Variants in BDP1 observed in about 807,000 individuals in gnomAD.
BDP1 encodes BDP1 general transcription factor IIIB subunit, also known as transcription factor TFIIIB component B'' homolog.
A neutral mutation model predicts 266.6 loss-of-function variants in BDP1; 169 were observed. That is an observed-to-expected ratio of 0.63 (90% CI 0.56 to 0.72). The LOEUF is 0.72. Ranked by LOEUF, BDP1 falls within the 30% of genes least tolerant of loss-of-function variation. BDP1 has a pLI of 0.00. For missense variants in BDP1, 3,015 were observed against 3,053.8 expected (o/e 0.99, Z 0.30); for synonymous variants, 1,090 against 1,022.4 (o/e 1.07, Z -1.26).
rs796982994 is a variant in BDP1, at chr5:71,530,062, T to C, written c.5773-2246T>C. The stretch of plus-strand genomic sequence containing the variant: ...CCTTAAGTGGGTTAACTGTATGTTA[T>C]GTGAATTGCAAGTCTTTTTTAAAAT... On this transcript the variant is annotated intron_variant, in intron 25 of 38. Coordinates refer to ENST00000358731, the MANE Select transcript of BDP1 (RefSeq NM_018429.3). 4.5e-4 allele frequency among the ~76,000 whole-genome samples: 68 copies of C among 152,356 alleles called. 1 individual carries two copies. The highest frequency in any genetic ancestry group is 1.6e-3 in the African/African-American group (67 of 41,588).
intron 29 of BDP1, 110 bp from the exon 30 acceptor site, chr5:71,541,995 C>A: frequency 1.2e-6 from 1 of 817,312 alleles, no homozygotes; most frequent in Non-Finnish European, 1.9e-6. Context: ...CACTTGTAGA[C>A]AGTGTGGCAC....
At chr5:71,547,006 T>C (rs1742367892) in intron 32 of BDP1, among the ~76,000 whole-genome samples, 2 of 152,022 alleles carry the variant, frequency 1.3e-5, no homozygotes, top group Non-Finnish European at 2.9e-5. Context: ...CCACCACACC[T>C]GACTAATTTT....
intron 25 of BDP1, among the ~76,000 whole-genome samples, chr5:71,529,756 G>A (rs1405903216): frequency 6.6e-6 from 1 of 152,214 alleles, no homozygotes; most frequent in Non-Finnish European, 1.5e-5. Flanking sequence ...TCACAACATG[G>A]ATGAATTTTG....
chr5:71,455,780 G>A lies in BDP1; in HGVS notation c.-98G>A, dbSNP rs1364006587. The stretch of plus-strand genomic sequence containing the variant: ...CCCTGAGCTGGTGGTGTGGCTTTGT[G>A]GGGAGGGCGTAGTTCCTAATCCCCT... On this transcript the variant is annotated 5_prime_UTR_variant, in exon 1 of 39. Coordinates refer to ENST00000358731, the MANE Select transcript of BDP1 (RefSeq NM_018429.3). 20 of 1,022,328 alleles carry A rather than the reference G, an allele frequency of 2.0e-5. No individual in the cohort carries two copies. Among genetic ancestry groups the A allele is most frequent in the Non-Finnish European group, 2.3e-5 (16 of 704,402 alleles). The allele number at this position is 1,022,328 out of a possible 1,614,324, so 63.3% of individuals were successfully genotyped here.
Position 71,465,628 on chromosome 5 carries a change from A to G in BDP1, c.660-468A>G, listed in dbSNP as rs1761856864. 2.0e-5 allele frequency among the ~76,000 whole-genome samples: 3 copies of G among 152,076 alleles called. 1 individual carries two copies. In the South Asian group the frequency reaches 6.2e-4, roughly 32 times the overall value. ...CCAGGCACGGTGGCTCACGCCTGTA[A>G]TCCCGGCACTTTGGGAGGCTGAGGC... On this transcript the variant is annotated intron_variant, in intron 4 of 38. Transcript: ENST00000358731.
In BDP1 at chr5:71,527,260, C is replaced by G. The variant is rs6865103; in HGVS notation, c.5772+2937C>G. Reference sequence around the variant, plus strand: ...ACATCCCGCAATGAGTGGTTGTCCCCTAGCCTGGCAAAAAACCAAGATACA... The same window carrying G: ...ACATCCCGCAATGAGTGGTTGTCCCGTAGCCTGGCAAAAAACCAAGATACA... On this transcript the variant is annotated intron_variant, in intron 25 of 38. Coordinates refer to ENST00000358731, the MANE Select transcript of BDP1 (RefSeq NM_018429.3). Among the ~76,000 whole-genome samples the G allele has an allele frequency of 5.1e-3, 772 of 150,626 alleles. 8 individuals are homozygous for G. Among genetic ancestry groups the G allele is most frequent in the African/African-American group, 0.018 (722 of 40,026 alleles).
chr5:71,552,592 C>T (rs559301329), intron 34 of BDP1, among the ~76,000 whole-genome samples: 220 of 152,360 alleles, frequency 1.4e-3, no homozygotes, highest in Non-Finnish European at 2.6e-3. Flanking sequence ...CCGAGGCCGG[C>T]GGATCACTCG....
chr5:71,481,322 G>A (rs1390503921), intron 7 of BDP1, among the ~76,000 whole-genome samples: 4 of 149,574 alleles, frequency 2.7e-5, no homozygotes, highest in Non-Finnish European at 4.4e-5. Context: ...AGGCTGAGAC[G>A]GGAGGATTGC....
At position 71,509,717 on chromosome 5, in the gene BDP1, A is replaced by T; in HGVS notation, c.2625A>T (p.Lys875Asn). 3.1e-6 allele frequency: 5 copies of T among 1,614,058 alleles called. No homozygotes were observed. The highest frequency in any genetic ancestry group is 4.2e-6 in the Non-Finnish European group (5 of 1,180,006). The stretch of plus-strand genomic sequence containing the variant: ...CTAAAGAAATGCAGTCAGATTTAAA[A>T]GAAACTGGAAGAAGAGCCATTTCTC... The part of the protein sequence containing the change: ...INTKEMQSDL[K>N]ETGRRAISPR... The change falls in exon 17 of 39, where the codon AAA becomes AAT. Residue 875 changes from lysine to asparagine, a missense_variant. This residue lies in a region of BDP1 where 2,383 missense variants were observed against 2,404.9 expected (regional missense o/e 0.99). Transcript: ENST00000358731.
At chr5:71,459,715 T>C (rs1266107836) in intron 2 of BDP1, among the ~76,000 whole-genome samples, 1 of 152,206 alleles carries the variant, frequency 6.6e-6, no homozygotes, top group African/African-American at 2.4e-5. Flanking sequence ...AGGGATTGAA[T>C]CTCAGCTTCA....
In BDP1 at chr5:71,566,694, T is replaced by C. The variant is rs1389561726; in HGVS notation, c.*1809T>C. The C allele has an allele frequency of 1.3e-5, 2 of 152,226 alleles. No individual in the cohort carries two copies. The highest frequency in any genetic ancestry group is 2.9e-5 in the Non-Finnish European group (2 of 68,038). The allele number at this position is 152,226 out of a possible 1,614,324, so 9.4% of individuals were successfully genotyped here. On this transcript the variant is annotated 3_prime_UTR_variant, in exon 39 of 39. Coordinates refer to ENST00000358731, the MANE Select transcript of BDP1 (RefSeq NM_018429.3). ...ACTGTGGCTGGATTGGCCTTTTAGT[T>C]TGACCCCCTACATTAGGCCCCAAAT...
chr5:71,547,279 A>G (rs276600), intron 32 of BDP1, among the ~76,000 whole-genome samples: 63,733 of 151,956 alleles, frequency 0.42, 13,720 homozygotes, highest in South Asian at 0.47. Context: ...ACAAAAGAGA[A>G]AAAGCAAGAG....
At chr5:71,543,962 T>G (rs1469272202) in intron 30 of BDP1, among the ~76,000 whole-genome samples, 3 of 152,214 alleles carry the variant, frequency 2.0e-5, no homozygotes, top group African/African-American at 7.2e-5. Flanking sequence ...AAGTCTTTTT[T>G]TCCCCGTTTG....
chr5:71,531,324 AAT>A (rs1218008413), intron 25 of BDP1, among the ~76,000 whole-genome samples: 1 of 152,062 alleles, frequency 6.6e-6, no homozygotes, highest in Non-Finnish European at 1.5e-5. Context: ...CTAGTAGGTA[AAT>A]ACCTTTTTAG....
At chr5:71,535,202 A>ATTT (rs771227527) in intron 26 of BDP1, among the ~76,000 whole-genome samples, 9 of 143,926 alleles carry the variant, frequency 6.3e-5, no homozygotes, top group Non-Finnish European at 1.2e-4. Flanking sequence ...TAAAATAACA[A>ATTT]TTTTTTTTTT....
chr5:71,573,759 A>G, the BDP1 span, among the ~76,000 whole-genome samples: 1 of 152,174 alleles, frequency 6.6e-6, no homozygotes, highest in Non-Finnish European at 1.5e-5. Context: ...TCAGACCTGG[A>G]ATGTCAAATG....
chr5:71,570,835 GAA>G (rs918602982), downstream of BDP1, among the ~76,000 whole-genome samples: 1 of 151,968 alleles, frequency 6.6e-6, no homozygotes, highest in African/African-American at 2.4e-5. Context: ...AGACTTTAAA[GAA>G]AAGAGTGTCC....
In BDP1 at chr5:71,524,156, C is replaced by G; in HGVS notation, c.5605C>G (p.Arg1869Gly). ...RASKAMLVTL[R>G]ASQEEDDDAD... ...TTCCAAGGCCATGCTGGTGACTCTTCGGGCTTCCCAGGAAGAAGATGATGA... is the reference window on the plus strand; with the variant it reads ...TTCCAAGGCCATGCTGGTGACTCTTGGGGCTTCCCAGGAAGAAGATGATGA... The change falls in exon 25 of 39, where the codon CGG (arginine) becomes GGG (glycine). Residue 1869 changes from arginine (R) to glycine (G), a missense_variant. By Grantham distance (125) the Arg-to-Gly change is moderately radical. Coordinates refer to ENST00000358731, the MANE Select transcript of BDP1 (RefSeq NM_018429.3). 1 of 1,614,148 alleles carries G rather than the reference C, an allele frequency of 6.2e-7. No individual in the cohort carries two copies. Among genetic ancestry groups the G allele is most frequent in the East Asian group, 2.2e-5 (1 of 44,884 alleles).
At chr5:71,558,272 TG>T (rs11304105) in intron 36 of BDP1, among the ~76,000 whole-genome samples, 119,162 of 152,018 alleles carry the variant, frequency 0.78, 47,348 homozygotes, top group East Asian at 0.87. Context: ...CAGTGGCTCA[TG>T]GCCTGTAATC....
Sources: gnomAD v4.1 joint callset for allele counts (sites outside exome capture counted in the v4.1 genomes callset) on GRCh38, gnomAD v4.1.1 for gene constraint, gnomAD v4.1.1 regional missense constraint, MANE v1.5 for transcripts, NCBI Gene and HGNC (gene_info 2026-07-23, HGNC 2026-07-21) for gene names.